The following BAALC variants were observed in gnomAD, a reference collection of about 807,000 sequenced individuals.
BAALC encodes the protein BAALC binder of MAP3K1 and KLF4.
Under a neutral mutation model 15.5 loss-of-function variants are expected in BAALC, and 9 were observed. The observed-to-expected ratio is 0.58, with a 90% CI of 0.35 to 1.02. The LOEUF (loss-of-function observed/expected upper bound fraction) is 1.02. Ranked by LOEUF, BAALC falls within the 50% of genes least tolerant of loss-of-function variation. The pLI is 0.02. For missense variants in BAALC, 201 were observed against 192.4 expected, an observed-to-expected ratio of 1.04 and a Z score of -0.27; for synonymous variants, 80 against 74.6, an observed-to-expected ratio of 1.07 and a Z score of -0.37.
At chr8:103,165,097 C>T (rs907265557) in intron 1 of BAALC, among the ~76,000 whole-genome samples, 1 of 152,204 alleles carries the variant, frequency 6.6e-6, no homozygotes, top group Admixed American at 6.5e-5. Context: ...TGCATAGCTG[C>T]ATAATTGTGT....
At chr8:103,147,839 C>T (rs553931122) in intron 1 of BAALC, among the ~76,000 whole-genome samples, 3 of 152,318 alleles carry the variant, frequency 2.0e-5, no homozygotes, top group East Asian at 3.9e-4. Context: ...GTCTATATGC[C>T]ACATTTACTC....
chr8:103,178,877 AG>A (rs200400442), intron 1 of BAALC, among the ~76,000 whole-genome samples: 23,095 of 145,416 alleles, frequency 0.16, 1,984 homozygotes, highest in East Asian at 0.38. Context: ...AAAAAAAAAA[AG>A]TTAATTTAAA....
rs774777781 is a variant in BAALC at position 103,212,919 on chromosome 8, G to C, written c.161G>C (p.Gly54Ala). ...SGPEAGGLHS[G>A]MLEDGLPSNG... ...TCCATCCTCTGCTTACCTCCCCCAGGCATGCTGGAAGATGGACTGCCCTCC... is the reference window on the plus strand; with the variant it reads ...TCCATCCTCTGCTTACCTCCCCCAGCCATGCTGGAAGATGGACTGCCCTCC... The change falls in exon 2 of 3, where the codon GGC becomes GCC. Residue 54 changes from glycine (G) to alanine (A), a missense_variant and splice_region_variant. Transcript: ENST00000309982. 91 of 1,611,586 alleles carry C rather than the reference G, an allele frequency of 5.6e-5. 1 individual carries two copies. The South Asian group carries it at 9.6e-4, about 17-fold the overall frequency.
intron 1 of BAALC, among the ~76,000 whole-genome samples, chr8:103,159,464 C>A (rs1468865669): frequency 2.0e-5 from 3 of 152,190 alleles, no homozygotes; most frequent in East Asian, 3.8e-4. Context: ...TGAGTAAATG[C>A]CAAATGTTTT....
intron 1 of BAALC, among the ~76,000 whole-genome samples, chr8:103,162,482 T>G (rs1368579596): frequency 1.3e-5 from 2 of 152,206 alleles, no homozygotes; most frequent in African/African-American, 4.8e-5. Flanking sequence ...CCATATGCTC[T>G]TTCTGCAAGG....
intron 1 of BAALC, chr8:103,171,917 T>G (rs1289482523): frequency 6.6e-6 from 1 of 152,192 alleles, no homozygotes; most frequent in African/African-American, 2.4e-5. Context: ...AAAATAAATT[T>G]GCCAGTTAGT....
intron 1 of BAALC, among the ~76,000 whole-genome samples, chr8:103,152,140 C>A (rs910357255): frequency 6.6e-6 from 1 of 152,118 alleles, no homozygotes; most frequent in Non-Finnish European, 1.5e-5. Flanking sequence ...TTGTTTAATG[C>A]CTTCTGATAG....
At chr8:103,144,760 G>A (rs1267080285) in intron 1 of BAALC, among the ~76,000 whole-genome samples, 1 of 152,144 alleles carries the variant, frequency 6.6e-6, no homozygotes, top group Non-Finnish European at 1.5e-5. Flanking sequence ...TATAATAGAG[G>A]TTTGCAGAAT....
At chr8:103,223,710 AT>A (rs1812734436) in intron 2 of BAALC, among the ~76,000 whole-genome samples, 1 of 152,138 alleles carries the variant, frequency 6.6e-6, no homozygotes, top group African/African-American at 2.4e-5. Flanking sequence ...CAACTACTGG[AT>A]TTTTTGCTTA....
At chr8:103,155,513 T>G (rs1385176956) in intron 1 of BAALC, among the ~76,000 whole-genome samples, 1 of 152,188 alleles carries the variant, frequency 6.6e-6, no homozygotes, top group Non-Finnish European at 1.5e-5. Flanking sequence ...AGGCGCTGGA[T>G]GCAGTCTTCC....
At position 103,229,100 on chromosome 8, in the gene BAALC, C is replaced by G. The variant is rs911492122; in HGVS notation, c.*1001C>G. ...AAGGAATCACTTTAGAAAGCCAGCA[C>G]CTGGTTGATGTGTATTCATACTGAC... On this transcript the variant is annotated 3_prime_UTR_variant, in exon 3 of 3. Transcript: ENST00000309982. The G allele has an allele frequency of 2.0e-5, 3 of 152,192 alleles. No individual in the cohort carries two copies. The highest frequency in any genetic ancestry group is 7.2e-5 in the African/African-American group (3 of 41,442). 9.4% of individuals were successfully genotyped at this position (152,192 alleles called of 1,614,324 possible).
At chr8:103,192,409 G>T (rs1042000912) in intron 1 of BAALC, among the ~76,000 whole-genome samples, 1 of 152,228 alleles carries the variant, frequency 6.6e-6, no homozygotes, top group African/African-American at 2.4e-5. Context: ...ACATAATCCT[G>T]TTCATCCTGA....
At chr8:103,142,727 G>A (rs968363710) in intron 1 of BAALC, among the ~76,000 whole-genome samples, 4 of 152,210 alleles carry the variant, frequency 2.6e-5, no homozygotes, top group Non-Finnish European at 4.4e-5. Flanking sequence ...GTATGGGTAT[G>A]AAAGAGTTAT....
rs1254116691 is a variant in BAALC, at chr8:103,150,345, G to GTC, written c.160+9289_160+9290insCT. ...TATAGAAACATGGCTGTGTGTGTGTGTGTGTGTCTGTGTGTCTGTGTGTAT... is the reference window on the plus strand; with the variant it reads ...TATAGAAACATGGCTGTGTGTGTGTGTCTGTGTGTCTGTGTGTCTGTGTGTAT... On this transcript the variant is annotated intron_variant, in intron 1 of 2. Coordinates refer to ENST00000309982, the MANE Select transcript of BAALC (RefSeq NM_024812.3). Among the ~76,000 whole-genome samples the GTC allele has an allele frequency of 6.6e-5, 10 of 151,228 alleles. No homozygotes were observed. The East Asian group carries it at 2.0e-3, about 30-fold the overall frequency.
intron 1 of BAALC, among the ~76,000 whole-genome samples, chr8:103,211,446 C>G (rs1812444512): frequency 6.6e-6 from 1 of 152,076 alleles, no homozygotes; most frequent in African/African-American, 2.4e-5. Flanking sequence ...TTTTGGGTAA[C>G]TCGTCCTCAT....
chr8:103,210,106 G>A (rs1215475071), intron 1 of BAALC, among the ~76,000 whole-genome samples: 1 of 152,206 alleles, frequency 6.6e-6, no homozygotes, highest in African/African-American at 2.4e-5. Context: ...CATGTGTACT[G>A]TGGTGTTCAT....
intron 1 of BAALC, among the ~76,000 whole-genome samples, chr8:103,174,260 CAAA>C (rs34745381): frequency 7.9e-6 from 1 of 126,814 alleles, no homozygotes; most frequent in Non-Finnish European, 1.7e-5. Flanking sequence ...GGCAAAGCAC[CAAA>C]AAAAAAAAAA....
intron 1 of BAALC, among the ~76,000 whole-genome samples, chr8:103,206,121 A>C (rs973695347): frequency 5.3e-5 from 8 of 152,210 alleles, no homozygotes; most frequent in Admixed American, 5.2e-4. Flanking sequence ...TGGTGGAAAG[A>C]TTTAGGAAGT....
At chr8:103,197,944 C>A (rs1812131730) in intron 1 of BAALC, among the ~76,000 whole-genome samples, 1 of 152,210 alleles carries the variant, frequency 6.6e-6, no homozygotes, top group Non-Finnish European at 1.5e-5. Context: ...AAAACTATAT[C>A]AGCCTTCATC....
Sources: gnomAD v4.1 joint callset for allele counts (sites outside exome capture counted in the v4.1 genomes callset) on GRCh38, gnomAD v4.1.1 for gene constraint, MANE v1.5 for transcripts, NCBI Gene and HGNC (gene_info 2026-07-23, HGNC 2026-07-21) for gene names.